Variants in LAMC1 observed in about 807,000 individuals in gnomAD.
LAMC1 encodes the protein laminin subunit gamma 1.
A neutral mutation model predicts 173.6 loss-of-function variants in LAMC1; 38 were observed. The observed-to-expected ratio is 0.22, with a 90% CI of 0.17 to 0.29. The LOEUF (loss-of-function observed/expected upper bound fraction) is 0.29. Among genes scored for constraint, LAMC1 ranks in the 10% least tolerant of loss-of-function variants. LAMC1 has a pLI of 1.00. For missense variants in LAMC1, 1,824 were observed against 2,051.8 expected (o/e 0.89, Z 2.14); for synonymous variants, 746 against 749.1 (o/e 1.00, Z 0.07).
chr1:183,054,308 A>G (rs1654524698), intron 1 of LAMC1, among the ~76,000 whole-genome samples: 1 of 152,218 alleles, frequency 6.6e-6, no homozygotes. Flanking sequence ...GAGGCATAGA[A>G]GCCACACAGC....
Position 183,136,373 on chromosome 1 carries a change from G to T in LAMC1, c.4115-13G>T. On this transcript the variant is annotated splice_polypyrimidine_tract_variant and intron_variant, in intron 24 of 27. Coordinates refer to ENST00000258341, the MANE Select transcript of LAMC1 (RefSeq NM_002293.4). ...GGGAGTTTAGCTCAAATGTGTCCTT[G>T]AACTTGTTTCAGATTTTGATAGGCG... 3.1e-6 allele frequency: 5 copies of T among 1,613,168 alleles called. No individual in the cohort carries two copies. In the South Asian group the frequency reaches 5.5e-5, roughly 18 times the overall value.
chr1:183,052,748 A>G (rs1654465209), intron 1 of LAMC1, among the ~76,000 whole-genome samples: 1 of 152,156 alleles, frequency 6.6e-6, no homozygotes, highest in Non-Finnish European at 1.5e-5. Flanking sequence ...GTCTTATAAT[A>G]ATATATCACT....
chr1:183,117,525 G>A lies in LAMC1; in HGVS notation c.1688-9G>A. Reference sequence around the variant, plus strand: ...CACATTCTTGCCCACCATTGTGTCTGTATTCCAGCAAAGTTCTTGGGCAAG... The same window carrying A: ...CACATTCTTGCCCACCATTGTGTCTATATTCCAGCAAAGTTCTTGGGCAAG... On this transcript the variant is annotated splice_polypyrimidine_tract_variant and intron_variant, in intron 9 of 27. Coordinates refer to ENST00000258341, the MANE Select transcript of LAMC1 (RefSeq NM_002293.4). The A allele has an allele frequency of 1.2e-6, 2 of 1,613,548 alleles. No individual in the cohort carries two copies. The highest frequency in any genetic ancestry group is 1.7e-6 in the Non-Finnish European group (2 of 1,179,562).
intron 1 of LAMC1, among the ~76,000 whole-genome samples, chr1:183,100,521 A>G (rs574816053): frequency 6.6e-6 from 1 of 152,132 alleles, no homozygotes; most frequent in Admixed American, 6.5e-5. Flanking sequence ...GCTTTCATAC[A>G]TGCCATTTCA....
chr1:183,028,153 T>TC (rs947126687), intron 1 of LAMC1, among the ~76,000 whole-genome samples: 1,095 of 53,292 alleles, frequency 0.021, 11 homozygotes, highest in African/African-American at 0.033. Context: ...AAGGCATTCC[T>TC]CCCCCCCCCC....
In LAMC1 at chr1:183,126,139, G is replaced by T. The variant is rs1258547543; in HGVS notation, c.2821G>T (p.Gly941Cys). ...GCERCDCHAL[G>C]STNGQCDIRT... ...TTTCAGGTGTGACTGCCATGCCTTG[G>T]GCTCCACCAATGGGCAGTGTGACAT... The change falls in exon 16 of 28, where the codon GGC becomes TGC. Residue 941 changes from glycine (G) to cysteine (C), a missense_variant. By Grantham distance (159) the Gly-to-Cys change is radical. Transcript: ENST00000258341. 6.2e-7 allele frequency: 1 copy of T among 1,614,082 alleles called. No individual in the cohort carries two copies. Among genetic ancestry groups the T allele is most frequent in the Admixed American group, 1.7e-5 (1 of 60,008 alleles).
chr1:183,031,270 T>C (rs1653841516), intron 1 of LAMC1, among the ~76,000 whole-genome samples: 1 of 152,194 alleles, frequency 6.6e-6, no homozygotes, highest in Admixed American at 6.5e-5. Flanking sequence ...CACATATTCA[T>C]CTAAAGTTAA....
At chr1:183,084,337 C>T (rs912962601) in intron 1 of LAMC1, among the ~76,000 whole-genome samples, 67 of 148,862 alleles carry the variant, frequency 4.5e-4, no homozygotes, top group Admixed American at 4.7e-4. Context: ...AGCAAGACTC[C>T]GTCTCAAGAA....
rs1290745877 is a variant in LAMC1 at position 183,136,271 on chromosome 1, AT to A, written c.4115-109del. On this transcript the variant is annotated intron_variant, in intron 24 of 27. Transcript: ENST00000258341. Reference sequence around the variant, plus strand: ...AAAATTTCAGCCCATGCTCTCTTCCATTTTTTACCCTGACTTCCATTGTTCA... The same window carrying A: ...AAAATTTCAGCCCATGCTCTCTTCCATTTTTACCCTGACTTCCATTGTTCA... 1.9e-5 allele frequency: 16 copies of A among 863,246 alleles called. No individual in the cohort carries two copies. In the Admixed American group the frequency reaches 2.8e-4, roughly 15 times the overall value. 53.5% of individuals were successfully genotyped at this position (863,246 alleles called of 1,614,324 possible). A position where few individuals can be genotyped will look rare whatever the true frequency, so the allele number is the denominator to read the frequency against.
In LAMC1 at chr1:183,142,640, C is replaced by T; in HGVS notation, c.4680C>T (p.Asp1560=). The change falls in exon 28 of 28, where the codon GAC becomes GAT. Residue 1560 remains aspartate (D), a synonymous_variant. Coordinates refer to ENST00000258341, the MANE Select transcript of LAMC1 (RefSeq NM_002293.4). The stretch of plus-strand genomic sequence containing the variant: ...GCGATCTTGATAGGAAAGTGTCTGA[C>T]CTGGAGAATGAAGCCAAGAAGCAGG... ...KVSDLDRKVS[D]LENEAKKQEA... The T allele has an allele frequency of 1.9e-6, 3 of 1,614,088 alleles. No individual in the cohort carries two copies. The highest frequency in any genetic ancestry group is 2.5e-6 in the Non-Finnish European group (3 of 1,179,990).
intron 1 of LAMC1, among the ~76,000 whole-genome samples, chr1:183,033,848 C>T (rs1398117279): frequency 6.6e-6 from 1 of 152,098 alleles, no homozygotes; most frequent in Admixed American, 6.6e-5. Flanking sequence ...CACACACCAC[C>T]ATGCCCTGCT....
At chr1:183,078,877 G>A (rs1168221766) in intron 1 of LAMC1, among the ~76,000 whole-genome samples, 1 of 152,080 alleles carries the variant, frequency 6.6e-6, no homozygotes, top group Non-Finnish European at 1.5e-5. Flanking sequence ...GCTGGGCGTG[G>A]TGGTGCATGC....
chr1:183,121,987 G>C, intron 12 of LAMC1, 43 bp downstream of exon 12: 1 of 1,608,856 alleles, frequency 6.2e-7, no homozygotes, highest in Non-Finnish European at 8.5e-7. Context: ...CTTCTCTTTA[G>C]CAATTGTGTA....
intron 8 of LAMC1, 147 bp from the exon 9 acceptor site, chr1:183,117,173 C>A: frequency 1.3e-6 from 1 of 790,528 alleles, no homozygotes; most frequent in Non-Finnish European, 2.0e-6. Flanking sequence ...TATATTGGTA[C>A]TGTTGTAGGA....
chr1:183,103,295 T>G, intron 1 of LAMC1, 33 bp from the exon 2 acceptor site: 1 of 1,587,992 alleles, frequency 6.3e-7, no homozygotes, highest in Non-Finnish European at 8.6e-7. Flanking sequence ...TTCATACGTA[T>G]GATTTATGAC....
Position 183,121,762 on chromosome 1 carries a change from G to T in LAMC1, c.2030G>T (p.Arg677Leu). 1.2e-6 allele frequency: 2 copies of T among 1,614,148 alleles called. No individual in the cohort carries two copies. Among genetic ancestry groups the T allele is most frequent in the Non-Finnish European group, 8.5e-7 (1 of 1,180,026 alleles). The change falls in exon 12 of 28, where the codon CGT becomes CTT. Residue 677 changes from arginine to leucine, a missense_variant. By Grantham distance (102) the Arg-to-Leu change is moderately radical. Coordinates refer to ENST00000258341, the MANE Select transcript of LAMC1 (RefSeq NM_002293.4). ...YLDDVTLASARPGPGVPATWV... is the reference protein window; with the variant it reads ...YLDDVTLASALPGPGVPATWV... ...GATGATGTCACCCTGGCAAGTGCTC[G>T]TCCTGGGCCTGGAGTCCCTGCAACT...
intron 17 of LAMC1, among the ~76,000 whole-genome samples, chr1:183,127,841 A>G (rs1364877235): frequency 1.3e-5 from 2 of 152,192 alleles, no homozygotes; most frequent in Non-Finnish European, 2.9e-5. Flanking sequence ...CGGACAGGTT[A>G]TATGGGAACA....
chr1:183,103,275 A>G (rs551127211), intron 1 of LAMC1, 53 bp from the exon 2 acceptor site: 4 of 1,520,712 alleles, frequency 2.6e-6, no homozygotes, highest in Admixed American at 3.6e-5. Flanking sequence ...AATAGAGGGC[A>G]TTTGTTTGCT....
chr1:183,131,536 T>C (rs1656792282), intron 20 of LAMC1, among the ~76,000 whole-genome samples, 158 bp downstream of exon 20: 2 of 152,078 alleles, frequency 1.3e-5, no homozygotes, highest in East Asian at 1.9e-4. Flanking sequence ...TTCTAAGATA[T>C]TATCAGCTGT....
Sources: gnomAD v4.1 joint callset for allele counts (sites outside exome capture counted in the v4.1 genomes callset) on GRCh38, gnomAD v4.1.1 for gene constraint, MANE v1.5 for transcripts, NCBI Gene and HGNC (gene_info 2026-07-23, HGNC 2026-07-21) for gene names.